The following ARMC2 variants were observed in gnomAD, a reference collection of about 807,000 sequenced individuals.
ARMC2 encodes armadillo repeat-containing protein 2.
A neutral mutation model predicts 90.3 loss-of-function variants in ARMC2; 67 were observed. The observed-to-expected ratio is 0.74, with a 90% confidence interval of 0.61 to 0.91. The LOEUF (loss-of-function observed/expected upper bound fraction) is 0.91, where lower values mean the gene tolerates loss of function less well. Ranked by LOEUF, ARMC2 falls within the 40% of genes least tolerant of loss-of-function variation. The probability of loss-of-function intolerance (pLI) is 0.00; values close to 1 mark genes in which losing one functional copy is unlikely to be tolerated. For synonymous variants in ARMC2, 393 were observed against 393.0 expected (o/e 1.00, Z 0.00); for missense variants, 920 against 1,030.9 (o/e 0.89, Z 1.47).
rs1777311562 is a variant in ARMC2 at position 108,953,143 on chromosome 6, A to G, written c.1707A>G (p.Leu569=). The change falls in exon 13 of 18, where the codon TTA becomes TTG. Residue 569 remains leucine, a synonymous_variant. Transcript: ENST00000392644. ...GGAGCATCCAAACTCTGCTGTCATT[A>G]TTCCAGACGTTCCATCAGCTGGATC... ...EKGSIQTLLS[L]FQTFHQLDLH... is the part of the protein sequence containing the mutation. 4 of 1,614,070 alleles carry G rather than the reference A, an allele frequency of 2.5e-6. No homozygotes were observed. The highest frequency in any genetic ancestry group is 3.4e-6 in the Non-Finnish European group (4 of 1,179,902).
At chr6:108,923,261 G>A (rs1774768606) in intron 10 of ARMC2, among the ~76,000 whole-genome samples, 1 of 152,100 alleles carries the variant, frequency 6.6e-6, no homozygotes. Context: ...AGAAAAATGT[G>A]TGTTTAAGTT....
chr6:109,000,552 A>G, the ARMC2 span: 6 of 1,611,400 alleles, frequency 3.7e-6, no homozygotes, highest in East Asian at 2.2e-5. Context: ...AAGTTCTCCT[A>G]AATTCTGTAG....
At chr6:109,000,547 C>T in the ARMC2 span, 1 of 1,611,236 alleles carries the variant, frequency 6.2e-7, no homozygotes, top group Non-Finnish European at 8.5e-7. Flanking sequence ...TTGTTAAGTT[C>T]TCCTAAATTC....
intron 10 of ARMC2, among the ~76,000 whole-genome samples, chr6:108,913,339 G>C (rs1251791792): frequency 6.6e-6 from 1 of 152,162 alleles, no homozygotes; most frequent in Non-Finnish European, 1.5e-5. Context: ...TTAAAAATTA[G>C]ATTTAGGCCC....
chr6:108,994,698 C>CTTTTTTTTTTTTTTTTTTTTT, the ARMC2 span: 1 of 274,832 alleles, frequency 3.6e-6, no homozygotes, highest in African/African-American at 2.9e-5. Flanking sequence ...GAATTTATAT[C>CTTTTTTTTTTTTTTTTTTTTT]TTTTTTTTTT....
chr6:108,965,256 C>A (rs1208190561), intron 17 of ARMC2, 116 bp downstream of exon 17: 2 of 909,886 alleles, frequency 2.2e-6, no homozygotes, highest in Non-Finnish European at 3.2e-6. Context: ...TTTCTATAAG[C>A]AACAAGAGTA....
chr6:108,868,210 T>C lies in ARMC2; in HGVS notation c.292-614T>C, dbSNP rs539112258. On this transcript the variant is annotated intron_variant, in intron 3 of 17. Transcript: ENST00000392644. ...ATATGCTATATGTAATTTTGTAGTC[T>C]TTTTTTATTTGGGGGTGGGGGGGCG... is the stretch of plus-strand genomic sequence containing the variant. 4.8e-5 allele frequency among the ~76,000 whole-genome samples: 7 copies of C among 146,286 alleles called. No individual in the cohort carries two copies. The East Asian group carries it at 1.5e-3, about 31-fold the overall frequency.
At chr6:108,877,235 C>A (rs933811782) in intron 5 of ARMC2, among the ~76,000 whole-genome samples, 12 of 152,168 alleles carry the variant, frequency 7.9e-5, no homozygotes, top group African/African-American at 2.9e-4. Flanking sequence ...ATTTTAAGAT[C>A]AAGTATTTCT....
At chr6:108,860,777 C>T (rs1775156044) in intron 3 of ARMC2, among the ~76,000 whole-genome samples, 1 of 151,672 alleles carries the variant, frequency 6.6e-6, no homozygotes, top group African/African-American at 2.4e-5. Flanking sequence ...TTGTTGATGA[C>T]ACCCCAGTGG....
chr6:108,853,607 C>T (rs1774221663), intron 1 of ARMC2, among the ~76,000 whole-genome samples: 1 of 152,138 alleles, frequency 6.6e-6, no homozygotes, highest in Admixed American at 6.5e-5. Flanking sequence ...TCTGCATTCT[C>T]ATGGCCCTTG....
chr6:108,868,083 G>C (rs1776008432), intron 3 of ARMC2, among the ~76,000 whole-genome samples: 1 of 152,030 alleles, frequency 6.6e-6, no homozygotes. Flanking sequence ...TCCAAAATAT[G>C]TAAATGTACC....
the ARMC2 span, among the ~76,000 whole-genome samples, chr6:108,983,976 C>T: frequency 6.6e-6 from 1 of 152,194 alleles, no homozygotes. Context: ...GAGTTGTGGG[C>T]AAGCAAGCAT....
chr6:108,850,076 T>C (rs1464942303), intron 1 of ARMC2, among the ~76,000 whole-genome samples: 1 of 152,262 alleles, frequency 6.6e-6, no homozygotes, highest in African/African-American at 2.4e-5. Flanking sequence ...TTCCAGTGGC[T>C]ATTAGCAGCA....
chr6:108,931,486 G>T (rs1775560632), intron 11 of ARMC2, among the ~76,000 whole-genome samples: 1 of 151,868 alleles, frequency 6.6e-6, no homozygotes, highest in Non-Finnish European at 1.5e-5. Flanking sequence ...TTAGCTCATT[G>T]TGGAATCACT....
chr6:108,998,375 C>A, the ARMC2 span: 1 of 928,690 alleles, frequency 1.1e-6, no homozygotes, highest in Non-Finnish European at 1.6e-6. Flanking sequence ...TAAAACCCTA[C>A]TGAATGAATA....
At chr6:108,866,836 G>A (rs772076641) in intron 3 of ARMC2, among the ~76,000 whole-genome samples, 4 of 151,684 alleles carry the variant, frequency 2.6e-5, no homozygotes, top group African/African-American at 7.3e-5. Context: ...TTTATAAATC[G>A]ATCCTAAATA....
intron 11 of ARMC2, among the ~76,000 whole-genome samples, chr6:108,935,067 T>A (rs193034284): frequency 6.6e-6 from 1 of 152,214 alleles, no homozygotes. Context: ...GAGCTGCAGT[T>A]GAAACCGTAT....
At chr6:108,869,774 TA>T (rs1776203108) in intron 4 of ARMC2, among the ~76,000 whole-genome samples, 1 of 152,090 alleles carries the variant, frequency 6.6e-6, no homozygotes, top group Non-Finnish European at 1.5e-5. Context: ...ACAGAGAGGC[TA>T]AAGATCACAG....
the ARMC2 span, among the ~76,000 whole-genome samples, chr6:109,030,810 G>A: frequency 1.3e-5 from 2 of 152,174 alleles, no homozygotes; most frequent in African/African-American, 4.8e-5. Context: ...AACCTTGTAA[G>A]ATGTATCTCA....
Sources: gnomAD v4.1 joint callset for allele counts (sites outside exome capture counted in the v4.1 genomes callset) on GRCh38, gnomAD v4.1.1 for gene constraint, MANE v1.5 for transcripts, NCBI Gene and HGNC (gene_info 2026-07-23, HGNC 2026-07-21) for gene names.